ZBTB7C: variants seen among roughly 807,000 people sequenced by gnomAD.
ZBTB7C encodes the protein zinc finger and BTB domain-containing protein 7C.
In ZBTB7C, 8 loss-of-function variants were observed where a neutral mutation model predicts 25.7. The observed-to-expected ratio is 0.31, with a 90% CI of 0.18 to 0.56. ZBTB7C has a LOEUF of 0.56. ZBTB7C is among the 20% of genes least tolerant of loss of function. The pLI is 0.91. For synonymous variants in ZBTB7C, 394 were observed against 369.0 expected, an observed-to-expected ratio of 1.07 and a Z score of -0.78; for missense variants, 824 against 855.2, an observed-to-expected ratio of 0.96 and a Z score of 0.46.
chr18:48,377,034 G>A (rs543877599), intron 1 of ZBTB7C, among the ~76,000 whole-genome samples: 1 of 152,208 alleles, frequency 6.6e-6, no homozygotes. Context: ...TTCCCAGAAA[G>A]AATCCAGGGG....
intron 3 of ZBTB7C, among the ~76,000 whole-genome samples, chr18:48,051,638 GCCATTGCTTTTGCT>G (rs1229802719): frequency 9.9e-5 from 15 of 152,194 alleles, no homozygotes; most frequent in Admixed American, 8.5e-4. Context: ...CTTCCCTGAG[GCCATTGCTTTTGCT>G]AATGCACCAT....
At chr18:48,107,109 G>T (rs1009417418) in intron 3 of ZBTB7C, among the ~76,000 whole-genome samples, 3 of 150,300 alleles carry the variant, frequency 2.0e-5, no homozygotes, top group African/African-American at 7.4e-5. Context: ...GGGGAGGAGA[G>T]AGGGGAAGAG....
At chr18:48,403,269 A>C (rs1268076578) in intron 1 of ZBTB7C, among the ~76,000 whole-genome samples, 1 of 152,106 alleles carries the variant, frequency 6.6e-6, no homozygotes, top group East Asian at 1.9e-4. Context: ...GAGCTCCCAG[A>C]CTCCCAACAG....
At chr18:48,365,914 C>CT (rs1287402736) in intron 1 of ZBTB7C, among the ~76,000 whole-genome samples, 1 of 152,126 alleles carries the variant, frequency 6.6e-6, no homozygotes, top group African/African-American at 2.4e-5. Flanking sequence ...AGGGCAGGGC[C>CT]TGCAGGTTCA....
intron 3 of ZBTB7C, among the ~76,000 whole-genome samples, chr18:48,115,739 T>C (rs1201552645): frequency 6.6e-6 from 1 of 152,210 alleles, no homozygotes; most frequent in Non-Finnish European, 1.5e-5. Flanking sequence ...GAGTGAAATA[T>C]ACATAGGGGT....
At chr18:48,124,584 A>T (rs1204583469) in intron 3 of ZBTB7C, among the ~76,000 whole-genome samples, 1 of 152,162 alleles carries the variant, frequency 6.6e-6, no homozygotes, top group African/African-American at 2.4e-5. Flanking sequence ...GGGCACCTGC[A>T]GGGGTTTGGA....
At chr18:48,159,631 TG>T (rs2040940757) in intron 3 of ZBTB7C, among the ~76,000 whole-genome samples, 1 of 152,272 alleles carries the variant, frequency 6.6e-6, no homozygotes, top group African/African-American at 2.4e-5. Flanking sequence ...GTGAGGTTCC[TG>T]AACTTCTACT....
chr18:48,216,447 G>A (rs1330445369), intron 2 of ZBTB7C, among the ~76,000 whole-genome samples: 1 of 152,102 alleles, frequency 6.6e-6, no homozygotes, highest in Non-Finnish European at 1.5e-5. Flanking sequence ...GAGGCAAAAT[G>A]GGCAGCGAGG....
At chr18:48,309,261 T>C (rs1194789174) in intron 2 of ZBTB7C, among the ~76,000 whole-genome samples, 1 of 152,230 alleles carries the variant, frequency 6.6e-6, no homozygotes, top group Non-Finnish European at 1.5e-5. Context: ...ATCCAGGTTA[T>C]GAAATAGGAG....
chr18:48,099,943 C>T (rs1026962797), intron 3 of ZBTB7C, among the ~76,000 whole-genome samples: 1 of 152,252 alleles, frequency 6.6e-6, no homozygotes, highest in African/African-American at 2.4e-5. Context: ...TCTCCTTTAA[C>T]CTGCTGGACT....
intron 2 of ZBTB7C, chr18:48,203,390 C>T (rs913632313): frequency 6.6e-6 from 1 of 152,308 alleles, no homozygotes; most frequent in Non-Finnish European, 1.5e-5. Flanking sequence ...GCAGGCTCCG[C>T]TACAGGGATC....
intron 2 of ZBTB7C, among the ~76,000 whole-genome samples, chr18:48,243,972 A>G (rs1463241770): frequency 6.6e-6 from 1 of 152,246 alleles, no homozygotes; most frequent in East Asian, 1.9e-4. Flanking sequence ...GGCAAGCCAC[A>G]TGTAGAAGAA....
chr18:48,064,299 C>T (rs1178234377), intron 3 of ZBTB7C, among the ~76,000 whole-genome samples: 1 of 152,230 alleles, frequency 6.6e-6, no homozygotes, highest in Non-Finnish European at 1.5e-5. Flanking sequence ...CCTTTTTTAT[C>T]CTGTATCCAA....
chr18:48,170,828 C>T lies in ZBTB7C; in HGVS notation c.-17+15106G>A, dbSNP rs575000239. 7.9e-5 allele frequency among the ~76,000 whole-genome samples: 12 copies of T among 151,710 alleles called. No homozygotes were observed. In the East Asian group the frequency reaches 1.2e-3, roughly 15 times the overall value. ...TGTCCCCTCTGCACTGACAGATGAC[C>T]GAGAACCCCCCGCCCCTGTACGACT... On this transcript the variant is annotated intron_variant, in intron 3 of 4. Coordinates refer to ENST00000590800, the MANE Select transcript of ZBTB7C (RefSeq NM_001318841.2).
intron 3 of ZBTB7C, chr18:48,180,518 G>A: frequency 2.8e-6 from 1 of 361,174 alleles, no homozygotes; most frequent in Middle Eastern, 4.2e-4. Context: ...GGTGGTGTTT[G>A]GGAGGGATGG....
At chr18:48,216,954 C>A (rs2042838380) in intron 2 of ZBTB7C, among the ~76,000 whole-genome samples, 1 of 152,126 alleles carries the variant, frequency 6.6e-6, no homozygotes, top group South Asian at 2.1e-4. Context: ...GACTGGTGTC[C>A]TTATAAAAAG....
At chr18:48,179,511 C>G (rs550004044) in intron 3 of ZBTB7C, among the ~76,000 whole-genome samples, 1 of 151,938 alleles carries the variant, frequency 6.6e-6, no homozygotes, top group Non-Finnish European at 1.5e-5. Context: ...GGTTAAGCAC[C>G]AGGAAGGAGA....
At chr18:48,343,241 A>C (rs2046646393) in intron 1 of ZBTB7C, among the ~76,000 whole-genome samples, 1 of 152,136 alleles carries the variant, frequency 6.6e-6, no homozygotes, top group Non-Finnish European at 1.5e-5. Flanking sequence ...ATCATTTTAC[A>C]GTACCTTCTA....
chr18:48,313,013 C>T (rs778248573), intron 2 of ZBTB7C, among the ~76,000 whole-genome samples: 19 of 152,208 alleles, frequency 1.2e-4, no homozygotes, highest in South Asian at 4.1e-4. Context: ...ATCTGATATT[C>T]CCATGCCTGA....
Sources: allele counts gnomAD v4.1 joint callset (sites outside exome capture counted in the v4.1 genomes callset), GRCh38; gene constraint gnomAD v4.1.1; transcripts MANE v1.5; gene names NCBI Gene and HGNC (gene_info 2026-07-23, HGNC 2026-07-21).